The following NCAN variants were observed in gnomAD, a reference collection of about 807,000 sequenced individuals.
NCAN encodes neurocan core protein.
Under a neutral mutation model 121.8 loss-of-function variants are expected in NCAN, and 47 were observed. The observed-to-expected ratio is 0.39, with a 90% CI of 0.31 to 0.49. The LOEUF (loss-of-function observed/expected upper bound fraction) is 0.49. Among genes scored for constraint, NCAN ranks in the 20% least tolerant of loss-of-function variants. The probability of loss-of-function intolerance (pLI) is 0.92; values close to 1 mark genes in which losing one functional copy is unlikely to be tolerated. For missense variants in NCAN, 1,517 were observed against 1,773.4 expected (o/e 0.86, Z 2.60); for synonymous variants, 633 against 702.0 (o/e 0.90, Z 1.55).
chr19:19,250,997 T>A lies in NCAN; in HGVS notation c.*1086T>A, dbSNP rs991397565. 3 of 152,140 alleles carry A rather than the reference T, an allele frequency of 2.0e-5. No individual in the cohort carries two copies. Among genetic ancestry groups the A allele is most frequent in the African/African-American group, 4.8e-5 (2 of 41,420 alleles). 9.4% of individuals were successfully genotyped at this position (152,140 alleles called of 1,614,324 possible). A position where few individuals can be genotyped will look rare whatever the true frequency, so the allele number is the denominator to read the frequency against. On this transcript the variant is annotated 3_prime_UTR_variant, in exon 15 of 15. Transcript: ENST00000252575. ...ACACACACACACACACATTTTTCTC[T>A]TGTAGATTTTAATTTTTTAAGTGGG...
At position 19,250,581 on chromosome 19, in the gene NCAN, T is replaced by TG. The variant is rs2060943013; in HGVS notation, c.*672dup. On this transcript the variant is annotated 3_prime_UTR_variant, in exon 15 of 15. Transcript: ENST00000252575. ...AATGATCAAAGCAATATGTAGGTGA[T>TG]GGAGGGAGAGTGTATTGCTAACCCT... 4.9e-6 allele frequency: 1 copy of TG among 204,194 alleles called. No individual in the cohort carries two copies. Among genetic ancestry groups the TG allele is most frequent in the Non-Finnish European group, 1.0e-5 (1 of 100,230 alleles). 12.6% of individuals were successfully genotyped at this position (204,194 alleles called of 1,614,324 possible). A position where few individuals can be genotyped will look rare whatever the true frequency, so the allele number is the denominator to read the frequency against.
At chr19:19,223,814 T>C (rs1330722280) in intron 3 of NCAN, among the ~76,000 whole-genome samples, 1 of 152,200 alleles carries the variant, frequency 6.6e-6, no homozygotes, top group East Asian at 1.9e-4. Flanking sequence ...TGCTAACTTG[T>C]AACCCTTTAT....
intron 1 of NCAN, among the ~76,000 whole-genome samples, chr19:19,214,171 G>A (rs1432446000): frequency 1.3e-5 from 2 of 152,080 alleles, no homozygotes; most frequent in Non-Finnish European, 2.9e-5. Flanking sequence ...GACTTGAGGT[G>A]GGGGTGAAGT....
intron 12 of NCAN, among the ~76,000 whole-genome samples, chr19:19,244,021 C>CAAAA (rs763676950): frequency 2.0e-3 from 301 of 150,916 alleles, no homozygotes; most frequent in Middle Eastern, 6.8e-3. Context: ...CTGTCTCAAA[C>CAAAA]AAAACAAAAC....
chr19:19,215,839 G>C (rs998645948), intron 1 of NCAN, among the ~76,000 whole-genome samples: 14 of 152,216 alleles, frequency 9.2e-5, no homozygotes, highest in African/African-American at 3.1e-4. Context: ...CAGTCTGATG[G>C]AGGAGGCTGA....
At chr19:19,238,837 G>A (rs1039661800) in intron 11 of NCAN, 3 of 289,592 alleles carry the variant, frequency 1.0e-5, no homozygotes, top group African/African-American at 6.6e-5. Flanking sequence ...CCAGGAGATG[G>A]AGGGTGATGG....
intron 12 of NCAN, among the ~76,000 whole-genome samples, chr19:19,243,113 G>A (rs2060909837): frequency 6.6e-6 from 1 of 151,996 alleles, no homozygotes; most frequent in Non-Finnish European, 1.5e-5. Context: ...TTCAGAGTAG[G>A]CAAATTTAGA....
At chr19:19,238,557 C>A in intron 11 of NCAN, 146 bp downstream of exon 11, 1 of 831,188 alleles carries the variant, frequency 1.2e-6, no homozygotes, top group Non-Finnish European at 1.9e-6. Flanking sequence ...GCCCTGACTG[C>A]TTCTTAATGC....
At chr19:19,230,761 G>A (rs1455555489) in intron 8 of NCAN, among the ~76,000 whole-genome samples, 2 of 141,622 alleles carry the variant, frequency 1.4e-5, no homozygotes, top group African/African-American at 5.3e-5. Context: ...CAGGGTCTTG[G>A]TCAGTTGTTC....
At chr19:19,233,955 GC>G (rs767207947) in intron 9 of NCAN, 50 bp downstream of exon 9, 2 of 1,234,734 alleles carry the variant, frequency 1.6e-6, no homozygotes, top group African/African-American at 3.0e-5. Flanking sequence ...TGACTCCAGA[GC>G]CTTGGGTTGT....
Position 19,250,823 on chromosome 19 carries a change from GC to G in NCAN, c.*916del. 2 of 157,388 alleles carry G rather than the reference GC, an allele frequency of 1.3e-5. No homozygotes were observed. The highest frequency in any genetic ancestry group is 1.4e-5 in the Non-Finnish European group (1 of 70,194). 9.7% of individuals were successfully genotyped at this position (157,388 alleles called of 1,614,324 possible). A position where few individuals can be genotyped will look rare whatever the true frequency, so the allele number is the denominator to read the frequency against. ...CAGTCCTTAAGCAGACATTGGTAGTGCCCCTGCCCTGGGTCCCACTCCTGCC... is the reference window on the plus strand; with the variant it reads ...CAGTCCTTAAGCAGACATTGGTAGTGCCCTGCCCTGGGTCCCACTCCTGCC... On this transcript the variant is annotated 3_prime_UTR_variant, in exon 15 of 15. Coordinates refer to ENST00000252575, the MANE Select transcript of NCAN (RefSeq NM_004386.3).
In NCAN at chr19:19,218,917, A is replaced by G. The variant is rs1226557075; in HGVS notation, c.76A>G (p.Thr26Ala). Residue 26 changes from threonine (T) to alanine (A), a missense_variant and splice_region_variant, in exon 3 of 15, where the codon ACA becomes GCA. Physicochemically the swap from Thr to Ala is moderately conservative, Grantham distance 58. Transcript: ENST00000252575. ...MLLFVAGEQG[T>A]QDITDASERG... ...TCTCTCCACCTTCTCCAACCCAGGC[A>G]CACAGGATATCACCGATGCCAGCGA... 7 of 1,490,122 alleles carry G rather than the reference A, an allele frequency of 4.7e-6. No individual in the cohort carries two copies. Among genetic ancestry groups the G allele is most frequent in the Non-Finnish European group, 6.3e-6 (7 of 1,116,982 alleles). 92.3% of individuals were successfully genotyped at this position (1,490,122 alleles called of 1,614,324 possible). A position where few individuals can be genotyped will look rare whatever the true frequency, so the allele number is the denominator to read the frequency against.
At position 19,225,098 on chromosome 19, in the gene NCAN, C is replaced by A; in HGVS notation, c.900C>A (p.Gly300=). ...AGCTGCACCTGGCCTGGCATGAGGG[C>A]CTGGACCAGTGCGACCCGGGCTGGC... The part of the protein sequence containing the change: ...VGQLHLAWHE[G]LDQCDPGWLA... Residue 300 remains glycine, a synonymous_variant, in exon 6 of 15, where the codon GGC becomes GGA. Coordinates refer to ENST00000252575, the MANE Select transcript of NCAN (RefSeq NM_004386.3). This position sits in a 1 kb window ranked among gnomAD's most constrained non-coding sequence, Gnocchi z 4.0. 1 of 1,535,614 alleles carries A rather than the reference C, an allele frequency of 6.5e-7. No homozygotes were observed. Among genetic ancestry groups the A allele is most frequent in the Middle Eastern group, 2.0e-4 (1 of 4,976 alleles).
rs2060846832 is a variant in NCAN at position 19,228,555 on chromosome 19, G to T, written c.2935G>T (p.Gly979Cys). 6.2e-7 allele frequency: 1 copy of T among 1,613,166 alleles called. No individual in the cohort carries two copies. Among genetic ancestry groups the T allele is most frequent in the Non-Finnish European group, 8.5e-7 (1 of 1,180,012 alleles). The change falls in exon 8 of 15, where the codon GGT becomes TGT. Residue 979 changes from glycine to cysteine, a missense_variant. Physicochemically the swap from Gly to Cys is radical, Grantham distance 159. Coordinates refer to ENST00000252575, the MANE Select transcript of NCAN (RefSeq NM_004386.3). The part of the protein sequence containing the change: ...FELEVLAGSP[G>C]VESFWEEVAS... ...ACTGGAGGTCCTGGCAGGGAGCCCG[G>T]GTGTAGAGAGCTTCTGGGAGGAGGT...
Position 19,212,631 on chromosome 19 carries a change from T to A in NCAN, c.-8+567T>A, listed in dbSNP as rs949884581. On this transcript the variant is annotated intron_variant, in intron 1 of 14. Transcript: ENST00000252575. This position sits in a 1 kb window ranked among gnomAD's most constrained non-coding sequence, Gnocchi z 4.5. ...GGGCTCCCTGCCATCTCCCTGTCCT[T>A]TTGGGTCAGGTCCGGTCACCACGTT... Among the ~76,000 whole-genome samples, 1 of 152,154 alleles carries A rather than the reference T, an allele frequency of 6.6e-6. No homozygotes were observed. Among genetic ancestry groups the A allele is most frequent in the Non-Finnish European group, 1.5e-5 (1 of 68,008 alleles).
Position 19,220,450 on chromosome 19 carries a change from CTTTTTTTT to C in NCAN, c.475+1151_475+1158del, listed in dbSNP as rs71170607. ...TTCTCAAATACCTGTTTAGGCAATT[CTTTTTTTT>C]TTTTTTTTTTTTTTTTGAGATGGGA... On this transcript the variant is annotated intron_variant, in intron 3 of 14. Transcript: ENST00000252575. 1.3e-3 allele frequency among the ~76,000 whole-genome samples: 92 copies of C among 72,702 alleles called. 1 individual carries two copies. The highest frequency in any genetic ancestry group is 1.6e-3 in the African/African-American group (26 of 16,618). 47.7% of individuals were successfully genotyped at this position (72,702 alleles called of 152,430 possible).
intron 6 of NCAN, among the ~76,000 whole-genome samples, 176 bp from the exon 7 acceptor site, chr19:19,226,310 A>G (rs1273296776): frequency 3.9e-5 from 6 of 152,060 alleles, no homozygotes; most frequent in African/African-American, 1.2e-4. Context: ...TGAACAGTGG[A>G]GGTGAAAATT....
At chr19:19,226,426 A>C in intron 6 of NCAN, 60 bp from the exon 7 acceptor site, 1 of 1,340,770 alleles carries the variant, frequency 7.5e-7, no homozygotes, top group South Asian at 1.4e-5. Flanking sequence ...GGTAGACTTC[A>C]AGCAGAACTT....
chr19:19,213,708 C>T (rs1411810974), intron 1 of NCAN, among the ~76,000 whole-genome samples: 2 of 152,026 alleles, frequency 1.3e-5, no homozygotes, highest in South Asian at 2.1e-4. Flanking sequence ...TCTTTCCATG[C>T]GGTTGGCAGT....
Sources: gnomAD v4.1 joint callset for allele counts (sites outside exome capture counted in the v4.1 genomes callset) on GRCh38, gnomAD v4.1.1 for gene constraint, Gnocchi (gnomAD v3.1) non-coding constraint, MANE v1.5 for transcripts, NCBI Gene and HGNC (gene_info 2026-07-23, HGNC 2026-07-21) for gene names.